The following CA3 variants were observed in gnomAD, a reference collection of about 807,000 sequenced individuals.
The protein encoded by CA3 is CA-III.
In CA3, 30 loss-of-function variants were observed where a neutral mutation model predicts 35.7. The ratio of observed to expected loss-of-function variants is 0.84; its 90% CI spans 0.63 to 1.14. The LOEUF (loss-of-function observed/expected upper bound fraction) is 1.14. CA3 is among the 50% of genes most tolerant of loss of function. The pLI is 0.00. For synonymous variants in CA3, 131 were observed against 130.8 expected, an observed-to-expected ratio of 1.00 and a Z score of -0.01; for missense variants, 295 against 328.5, an observed-to-expected ratio of 0.90 and a Z score of 0.79.
At chr8:85,438,990 G>C in intron 1 of CA3, 47 bp downstream of exon 1, 1 of 1,545,528 alleles carries the variant, frequency 6.5e-7, no homozygotes. Context: ...TGCCAGTCCA[G>C]GAGAGCCCTG....
chr8:85,446,387 G>A, intron 6 of CA3, 90 bp downstream of exon 6: 1 of 1,405,562 alleles, frequency 7.1e-7, no homozygotes, highest in Non-Finnish European at 9.7e-7. Context: ...CTACTAACTG[G>A]ATACTCACTG....
intron 2 of CA3, among the ~76,000 whole-genome samples, chr8:85,440,224 G>T (rs1811188958): frequency 6.6e-6 from 1 of 152,164 alleles, no homozygotes; most frequent in South Asian, 2.1e-4. Flanking sequence ...GACTCCGATG[G>T]CCTATACCTG....
chr8:85,448,206 G>T lies in CA3; in HGVS notation c.*53G>T. ...AAGGAAACCTACCATTGGAGAGCTT[G>T]GTTCCTTGCCTCCTTCTGGTGCTCC... On this transcript the variant is annotated 3_prime_UTR_variant, in exon 7 of 7. Transcript: ENST00000285381. The T allele has an allele frequency of 6.4e-7, 1 of 1,552,620 alleles. No homozygotes were observed. Among genetic ancestry groups the T allele is most frequent in the South Asian group, 1.2e-5 (1 of 82,978 alleles).
At chr8:85,443,186 C>G (rs573982807) in intron 3 of CA3, among the ~76,000 whole-genome samples, 1 of 152,322 alleles carries the variant, frequency 6.6e-6, no homozygotes, top group South Asian at 2.1e-4. Flanking sequence ...ATACTACTCT[C>G]TGTCTCAGTT....
Position 85,442,192 on chromosome 8 carries a change from GT to G in CA3, c.351+2del. The stretch of plus-strand genomic sequence containing the variant: ...GGATGGAGTCAAGTATGCAGCGGAG[GT>G]AAGAGGAACTGCCATAATCCATTCT... On this transcript the variant is annotated splice_donor_variant, in intron 3 of 6. Transcript: ENST00000285381. LOFTEE classifies it high-confidence loss of function. 1 of 1,489,596 alleles carries G rather than the reference GT, an allele frequency of 6.7e-7. No homozygotes were observed. The highest frequency in any genetic ancestry group is 9.4e-7 in the Non-Finnish European group (1 of 1,066,158). The allele number at this position is 1,489,596 out of a possible 1,614,324, so 92.3% of individuals were successfully genotyped here. A position where few individuals can be genotyped will look rare whatever the true frequency, so the allele number is the denominator to read the frequency against.
At chr8:85,444,247 AT>A (rs1450597508) in intron 4 of CA3, 121 bp downstream of exon 4, 9 of 654,396 alleles carry the variant, frequency 1.4e-5, no homozygotes, top group Admixed American at 5.2e-5. Flanking sequence ...TTTATTATTC[AT>A]TCAACTAATC....
intron 5 of CA3, among the ~76,000 whole-genome samples, chr8:85,445,700 T>C (rs1339322438): frequency 6.6e-6 from 1 of 152,240 alleles, no homozygotes; most frequent in African/African-American, 2.4e-5. Context: ...TTATTTTTTT[T>C]CTGACCGTTC....
chr8:85,446,106 A>G (rs1326681460), intron 5 of CA3, 36 bp from the exon 6 acceptor site: 1 of 1,564,390 alleles, frequency 6.4e-7, no homozygotes, highest in East Asian at 2.3e-5. Flanking sequence ...ATGTGCATGC[A>G]TGCACTCACT....
intron 3 of CA3, 39 bp downstream of exon 3, chr8:85,442,230 A>G: frequency 9.5e-7 from 1 of 1,052,256 alleles, no homozygotes; most frequent in Non-Finnish European, 1.5e-6. Context: ...GGTCTCATAC[A>G]GTGAAAACTG....
chr8:85,447,846 G>C (rs1564071434), intron 6 of CA3, among the ~76,000 whole-genome samples, 188 bp from the exon 7 acceptor site: 1 of 152,132 alleles, frequency 6.6e-6, no homozygotes, highest in African/African-American at 2.4e-5. Flanking sequence ...GTTGCAGTGA[G>C]CCAAGATCAC....
At chr8:85,440,146 G>A (rs1811188015) in intron 2 of CA3, among the ~76,000 whole-genome samples, 1 of 152,118 alleles carries the variant, frequency 6.6e-6, no homozygotes, top group African/African-American at 2.4e-5. Context: ...GCTAAAAGTT[G>A]GCAATGCATT....
chr8:85,439,003 A>G (rs921926656), intron 1 of CA3, 60 bp downstream of exon 1: 4 of 1,528,900 alleles, frequency 2.6e-6, no homozygotes. Context: ...GAGCCCTGCC[A>G]TTGCACAGAA....
chr8:85,447,662 C>G (rs180933113), intron 6 of CA3, among the ~76,000 whole-genome samples: 1 of 152,296 alleles, frequency 6.6e-6, no homozygotes, highest in East Asian at 1.9e-4. Flanking sequence ...CTTTGGGGGT[C>G]CAAGGCGGGT....
At chr8:85,441,464 T>A (rs948802325) in intron 2 of CA3, among the ~76,000 whole-genome samples, 2 of 152,220 alleles carry the variant, frequency 1.3e-5, no homozygotes, top group Non-Finnish European at 2.9e-5. Context: ...TTGCTCGTTG[T>A]CTTGAAGAAA....
chr8:85,440,784 C>G (rs1288105960), intron 2 of CA3, among the ~76,000 whole-genome samples: 2 of 152,130 alleles, frequency 1.3e-5, no homozygotes, highest in African/African-American at 4.8e-5. Context: ...TTCATAATTC[C>G]TACCTACCAG....
At chr8:85,444,485 C>T (rs529942457) in intron 4 of CA3, among the ~76,000 whole-genome samples, 22 of 152,254 alleles carry the variant, frequency 1.4e-4, no homozygotes, top group African/African-American at 5.3e-4. Flanking sequence ...ACTTCAATTG[C>T]ACTGGAAACC....
chr8:85,445,299 A>C, intron 5 of CA3, 81 bp downstream of exon 5: 1 of 906,048 alleles, frequency 1.1e-6, no homozygotes, highest in South Asian at 1.6e-5. Context: ...TATTTTTTTC[A>C]CCTAAAATCT....
intron 5 of CA3, 101 bp from the exon 6 acceptor site, chr8:85,446,041 G>C (rs1168513518): frequency 1.8e-5 from 19 of 1,074,282 alleles, no homozygotes; most frequent in Non-Finnish European, 2.2e-5. Context: ...TTTCTCTATT[G>C]CATTTGAAAT....
At chr8:85,442,316 G>T in intron 3 of CA3, 125 bp downstream of exon 3, 1 of 693,508 alleles carries the variant, frequency 1.4e-6, no homozygotes, top group South Asian at 1.6e-5. Context: ...TATGAAAAGA[G>T]CTGTACTAGT....
Sources: allele counts gnomAD v4.1 joint callset (sites outside exome capture counted in the v4.1 genomes callset), GRCh38; gene constraint gnomAD v4.1.1; transcripts MANE v1.5; gene names NCBI Gene and HGNC (gene_info 2026-07-23, HGNC 2026-07-21).